FOXP1: variants seen among roughly 807,000 people sequenced by gnomAD.
The protein encoded by FOXP1 is forkhead box protein P1.
A neutral mutation model predicts 98.2 loss-of-function variants in FOXP1; 15 were observed. The observed-to-expected ratio is 0.15, with a 90% confidence interval of 0.10 to 0.24. The LOEUF is 0.24. Ranked by LOEUF, FOXP1 falls within the 10% of genes least tolerant of loss-of-function variation. The pLI is 1.00. For missense variants in FOXP1, 633 were observed against 848.5 expected, an observed-to-expected ratio of 0.75 and a Z score of 3.15; for synonymous variants, 371 against 314.5, an observed-to-expected ratio of 1.18 and a Z score of -1.90.
intron 6 of FOXP1, among the ~76,000 whole-genome samples, chr3:71,164,271 C>T (rs2061294411): frequency 6.6e-6 from 1 of 152,104 alleles, no homozygotes; most frequent in Non-Finnish European, 1.5e-5. Context: ...GCAATCTCGG[C>T]TCACTGCAAG....
At chr3:71,566,852 T>C (rs2046951172) in intron 2 of FOXP1, among the ~76,000 whole-genome samples, 1 of 152,150 alleles carries the variant, frequency 6.6e-6, no homozygotes, top group Non-Finnish European at 1.5e-5. Flanking sequence ...AGTGTCTCCT[T>C]GAGCCTGGGC....
At chr3:71,074,550 T>C (rs1324383819) in intron 7 of FOXP1, among the ~76,000 whole-genome samples, 6 of 152,148 alleles carry the variant, frequency 3.9e-5, no homozygotes, top group Non-Finnish European at 7.4e-5. Flanking sequence ...TTAATCAGTA[T>C]CTTGAAGCCG....
intron 2 of FOXP1, among the ~76,000 whole-genome samples, chr3:71,551,338 C>A (rs1332040844): frequency 1.3e-5 from 2 of 152,134 alleles, no homozygotes; most frequent in Non-Finnish European, 2.9e-5. Context: ...CTGAACACAA[C>A]AATATTTAAC....
At chr3:71,581,787 C>T (rs1001541728) in intron 1 of FOXP1, 90 bp from the exon 2 acceptor site, 23 of 985,648 alleles carry the variant, frequency 2.3e-5, no homozygotes, top group Non-Finnish European at 2.6e-5. Flanking sequence ...GGTGAGTAGG[C>T]CGAGGGGCCA....
intron 3 of FOXP1, among the ~76,000 whole-genome samples, chr3:71,364,951 T>G (rs1560375251): frequency 6.6e-6 from 1 of 152,274 alleles, no homozygotes; most frequent in African/African-American, 2.4e-5. Context: ...AAACTTTTTC[T>G]GTAAAGGAAC....
intron 5 of FOXP1, among the ~76,000 whole-genome samples, chr3:71,246,534 G>T (rs1254350484): frequency 6.6e-6 from 1 of 152,014 alleles, no homozygotes; most frequent in Admixed American, 6.6e-5. Context: ...GATCCATATC[G>T]TACAGAAACC....
intron 2 of FOXP1, among the ~76,000 whole-genome samples, chr3:71,497,672 T>C (rs1031693168): frequency 1.3e-5 from 2 of 152,206 alleles, no homozygotes; most frequent in African/African-American, 2.4e-5. Flanking sequence ...GATAAAGATC[T>C]GAAGAACACT....
At chr3:71,227,755 AG>A (rs1311496577) in intron 5 of FOXP1, among the ~76,000 whole-genome samples, 1 of 151,802 alleles carries the variant, frequency 6.6e-6, no homozygotes, top group Non-Finnish European at 1.5e-5. Flanking sequence ...AAACAGTCAA[AG>A]GAGTATAAAG....
At chr3:71,201,559 A>G (rs1415971602) in intron 5 of FOXP1, among the ~76,000 whole-genome samples, 1 of 152,106 alleles carries the variant, frequency 6.6e-6, no homozygotes, top group Admixed American at 6.5e-5. Flanking sequence ...AGGCAGGAGA[A>G]CTGCTTGAAC....
chr3:71,357,176 AAGAC>A (rs972721650), intron 4 of FOXP1, among the ~76,000 whole-genome samples: 74 of 152,240 alleles, frequency 4.9e-4, no homozygotes, highest in African/African-American at 1.7e-3. Context: ...GCGTGCCACT[AAGAC>A]CTCATGCTAG....
chr3:70,978,289 T>C (rs146719168), intron 14 of FOXP1, among the ~76,000 whole-genome samples: 2 of 152,316 alleles, frequency 1.3e-5, no homozygotes, highest in African/African-American at 4.8e-5. Context: ...GTTACCTACC[T>C]GAGGGAGTGT....
intron 3 of FOXP1, among the ~76,000 whole-genome samples, chr3:71,412,929 C>T (rs183227493): frequency 3.2e-4 from 49 of 152,076 alleles, no homozygotes; most frequent in African/African-American, 1.1e-3. Context: ...ATTAATGTGC[C>T]GCCTGTGCAC....
intron 2 of FOXP1, among the ~76,000 whole-genome samples, chr3:71,555,039 C>T (rs978793340): frequency 1.3e-5 from 2 of 152,128 alleles, no homozygotes; most frequent in Non-Finnish European, 2.9e-5. Context: ...AAGCTCATAG[C>T]TGCCAAAATG....
intron 10 of FOXP1, among the ~76,000 whole-genome samples, chr3:71,045,199 T>C (rs937001786): frequency 7.2e-5 from 11 of 152,248 alleles, no homozygotes; most frequent in South Asian, 2.1e-4. Context: ...CAGGGGCTAA[T>C]AGTTATAGCA....
At chr3:71,419,972 A>AC (rs1577402067) in intron 3 of FOXP1, among the ~76,000 whole-genome samples, 1 of 151,150 alleles carries the variant, frequency 6.6e-6, no homozygotes, top group African/African-American at 2.4e-5. Context: ...CCGCCACCAC[A>AC]CCCCCAGCTA....
chr3:71,201,592 A>G (rs889393141), intron 5 of FOXP1, among the ~76,000 whole-genome samples: 5 of 152,100 alleles, frequency 3.3e-5, no homozygotes, highest in African/African-American at 1.2e-4. Flanking sequence ...GGTTGCAGTG[A>G]GCAGACAGCA....
intron 12 of FOXP1, among the ~76,000 whole-genome samples, chr3:71,001,824 A>C (rs1055367327): frequency 6.6e-6 from 1 of 152,254 alleles, no homozygotes; most frequent in African/African-American, 2.4e-5. Context: ...AGAGGGCTGA[A>C]TCAAAGCCTA....
intron 6 of FOXP1, among the ~76,000 whole-genome samples, chr3:71,116,601 T>C (rs1358212429): frequency 1.3e-5 from 2 of 152,158 alleles, no homozygotes; most frequent in African/African-American, 4.8e-5. Flanking sequence ...GTTAACAGAG[T>C]AGGAACAAAT....
intron 5 of FOXP1, among the ~76,000 whole-genome samples, chr3:71,234,212 T>G (rs542919401): frequency 5.9e-5 from 9 of 152,128 alleles, no homozygotes; most frequent in Non-Finnish European, 1.5e-5. Flanking sequence ...ACCAAAAATC[T>G]TTTTGGATAA....
Sources: allele counts gnomAD v4.1 joint callset (sites outside exome capture counted in the v4.1 genomes callset), GRCh38; gene constraint gnomAD v4.1.1; transcripts MANE v1.5; gene names NCBI Gene and HGNC (gene_info 2026-07-23, HGNC 2026-07-21).